The following XYLT1 variants were observed in gnomAD, a reference collection of about 807,000 sequenced individuals.
The protein encoded by XYLT1 is xylosyltransferase 1.
XYLT1 carries 36 observed loss-of-function variants against 91.3 expected under a neutral mutation model. That is an observed-to-expected ratio of 0.39 (90% CI 0.30 to 0.52). XYLT1 has a LOEUF of 0.52. Among genes scored for constraint, XYLT1 ranks in the 20% least tolerant of loss-of-function variants. The pLI is 0.68. For missense variants in XYLT1, 1,242 were observed against 1,284.5 expected, an observed-to-expected ratio of 0.97 and a Z score of 0.51; for synonymous variants, 588 against 532.0, an observed-to-expected ratio of 1.11 and a Z score of -1.45.
chr16:17,271,351 C>CAG (rs1257137450), intron 2 of XYLT1, among the ~76,000 whole-genome samples: 8 of 151,282 alleles, frequency 5.3e-5, no homozygotes, highest in East Asian at 1.9e-4. Context: ...GAGAAAGACA[C>CAG]AGAGAGAGAG....
chr16:17,366,088 C>T (rs1490063421), intron 1 of XYLT1, among the ~76,000 whole-genome samples: 3 of 108,902 alleles, frequency 2.8e-5, no homozygotes, highest in Admixed American at 8.1e-5. Context: ...TGGCCTGCAG[C>T]CTTGATGAAA....
chr16:17,102,841 T>C lies in XYLT1; in HGVS notation c.*5854A>G, dbSNP rs555003837. On this transcript the variant is annotated 3_prime_UTR_variant, in exon 12 of 12. Transcript: ENST00000261381. ...ATTATGATCTATAACAAAATAGTTA[T>C]TTTTAAAAACTATATCACCACATGT... 1 of 152,748 alleles carries C rather than the reference T, an allele frequency of 6.5e-6. No homozygotes were observed. The highest frequency in any genetic ancestry group is 1.9e-4 in the East Asian group (1 of 5,184). 9.5% of individuals were successfully genotyped at this position (152,748 alleles called of 1,614,324 possible). A position where few individuals can be genotyped will look rare whatever the true frequency, so the allele number is the denominator to read the frequency against.
intron 6 of XYLT1, among the ~76,000 whole-genome samples, chr16:17,146,373 T>C (rs1369715660): frequency 6.6e-6 from 1 of 152,216 alleles, no homozygotes; most frequent in African/African-American, 2.4e-5. Flanking sequence ...AGTGTGGTTT[T>C]ACCTGTCACC....
intron 2 of XYLT1, among the ~76,000 whole-genome samples, chr16:17,264,001 A>C (rs986055252): frequency 3.3e-5 from 5 of 150,238 alleles, no homozygotes; most frequent in Non-Finnish European, 5.9e-5. Flanking sequence ...AATAACACTT[A>C]ACATGAGATC....
chr16:17,346,783 G>T (rs949058353), intron 2 of XYLT1, among the ~76,000 whole-genome samples: 7 of 152,132 alleles, frequency 4.6e-5, no homozygotes, highest in Non-Finnish European at 7.3e-5. Context: ...CCTTCTTCTA[G>T]CATTGAGCTG....
rs534389990 is a variant in XYLT1 at position 17,428,510 on chromosome 16, G to A, written c.363+41924C>T. ...TTGGCCCAGGACCTGACCCATGCTA[G>A]ATGCTCAATAAATGGTCACAGCTCT... On this transcript the variant is annotated intron_variant, in intron 1 of 11. Coordinates refer to ENST00000261381, the MANE Select transcript of XYLT1 (RefSeq NM_022166.4). 2.0e-5 allele frequency among the ~76,000 whole-genome samples: 3 copies of A among 152,340 alleles called. No individual in the cohort carries two copies. In the South Asian group the frequency reaches 6.2e-4, roughly 32 times the overall value.
At chr16:17,161,712 C>T (rs2031559284) in intron 5 of XYLT1, among the ~76,000 whole-genome samples, 1 of 151,822 alleles carries the variant, frequency 6.6e-6, no homozygotes, top group Non-Finnish European at 1.5e-5. Flanking sequence ...CACTCACACA[C>T]GTTTCTCACT....
At chr16:17,157,328 T>C (rs1191468065) in intron 6 of XYLT1, among the ~76,000 whole-genome samples, 2 of 152,136 alleles carry the variant, frequency 1.3e-5, no homozygotes, top group Non-Finnish European at 2.9e-5. Context: ...CTGGGTAAAC[T>C]GTCACAGAGC....
intron 1 of XYLT1, among the ~76,000 whole-genome samples, chr16:17,470,016 G>C (rs2036960847): frequency 6.6e-6 from 1 of 152,094 alleles, no homozygotes; most frequent in African/African-American, 2.4e-5. Flanking sequence ...AAAAACCAGA[G>C]AGATGCTGCT....
intron 10 of XYLT1, among the ~76,000 whole-genome samples, chr16:17,120,448 G>C (rs9923657): frequency 6.6e-6 from 1 of 151,204 alleles, no homozygotes; most frequent in Admixed American, 6.6e-5. Context: ...CACCTCATCC[G>C]GAAGGGCTCT....
chr16:17,377,397 C>T (rs904633663), intron 1 of XYLT1, among the ~76,000 whole-genome samples: 1 of 152,136 alleles, frequency 6.6e-6, no homozygotes, highest in African/African-American at 2.4e-5. Context: ...GATAGAGTTC[C>T]CATTGTCTGG....
At chr16:17,280,748 G>A (rs919996537) in intron 2 of XYLT1, among the ~76,000 whole-genome samples, 1 of 152,144 alleles carries the variant, frequency 6.6e-6, no homozygotes, top group African/African-American at 2.4e-5. Flanking sequence ...GTATCTGTAA[G>A]TTTGACAAAA....
rs925550839 is a variant in XYLT1 at position 17,106,048 on chromosome 16, TG to T, written c.*2646del. 1 of 152,086 alleles carries T rather than the reference TG, an allele frequency of 6.6e-6. No homozygotes were observed. The highest frequency in any genetic ancestry group is 1.5e-5 in the Non-Finnish European group (1 of 68,028). 9.4% of individuals were successfully genotyped at this position (152,086 alleles called of 1,614,324 possible). A position where few individuals can be genotyped will look rare whatever the true frequency, so the allele number is the denominator to read the frequency against. On this transcript the variant is annotated 3_prime_UTR_variant, in exon 12 of 12. Coordinates refer to ENST00000261381, the MANE Select transcript of XYLT1 (RefSeq NM_022166.4). ...TGACTTCTCAGCTCCCCGAATTAGT[TG>T]TGGTGAGGAAGAAATGAAGCCATGG...
intron 2 of XYLT1, among the ~76,000 whole-genome samples, chr16:17,291,858 C>T (rs998125276): frequency 7.9e-5 from 12 of 151,788 alleles, no homozygotes; most frequent in African/African-American, 2.2e-4. Flanking sequence ...AGTGTGGGGA[C>T]GAGGTGTGGT....
At chr16:17,468,925 T>C (rs2036938233) in intron 1 of XYLT1, among the ~76,000 whole-genome samples, 1 of 152,136 alleles carries the variant, frequency 6.6e-6, no homozygotes, top group Non-Finnish European at 1.5e-5. Context: ...CCCATCACTA[T>C]CAACTCCAAG....
At chr16:17,140,271 C>A (rs1597147832) in intron 7 of XYLT1, among the ~76,000 whole-genome samples, 1 of 152,258 alleles carries the variant, frequency 6.6e-6, no homozygotes, top group Middle Eastern at 3.4e-3. Context: ...CCCTTTTCTT[C>A]AGGGAATAAT....
At chr16:17,372,417 TAAAAGA>T (rs1411527385) in intron 1 of XYLT1, among the ~76,000 whole-genome samples, 1 of 152,218 alleles carries the variant, frequency 6.6e-6, no homozygotes, top group East Asian at 1.9e-4. Context: ...TCCAACATGG[TAAAAGA>T]AAATCAGTTT....
intron 1 of XYLT1, among the ~76,000 whole-genome samples, chr16:17,398,493 G>T (rs557265479): frequency 6.6e-6 from 1 of 152,140 alleles, no homozygotes; most frequent in African/African-American, 2.4e-5. Context: ...GATTTTTTTC[G>T]GGGAGTAGAT....
intron 1 of XYLT1, among the ~76,000 whole-genome samples, chr16:17,364,793 A>C (rs757392225): frequency 6.6e-6 from 1 of 152,222 alleles, no homozygotes; most frequent in East Asian, 1.9e-4. Flanking sequence ...AGCAGTAAGC[A>C]AGTTTGTAAG....
Sources: allele counts gnomAD v4.1 joint callset (sites outside exome capture counted in the v4.1 genomes callset), GRCh38; gene constraint gnomAD v4.1.1; transcripts MANE v1.5; gene names NCBI Gene and HGNC (gene_info 2026-07-23, HGNC 2026-07-21).